MYO3A: variants seen among roughly 807,000 people sequenced by gnomAD.
The protein encoded by MYO3A is myosin-IIIa.
In MYO3A, 180 loss-of-function variants were observed where a neutral mutation model predicts 192.7. That is an observed-to-expected ratio of 0.93 (90% confidence interval 0.83 to 1.06). The LOEUF (loss-of-function observed/expected upper bound fraction) is 1.06. Ranked by LOEUF, MYO3A falls within the 50% of genes least tolerant of loss-of-function variation. The pLI, the probability that MYO3A is intolerant of heterozygous loss-of-function variation, is 0.00. For missense variants in MYO3A, 1,896 were observed against 1,905.0 expected (o/e 1.00, Z 0.09); for synonymous variants, 628 against 645.3 (o/e 0.97, Z 0.41).
chr10:26,106,343 G>C (rs182305839), intron 17 of MYO3A, among the ~76,000 whole-genome samples: 5 of 152,010 alleles, frequency 3.3e-5, no homozygotes, highest in African/African-American at 9.6e-5. Flanking sequence ...TATTCATCTG[G>C]AACTTGCATC....
In MYO3A at chr10:26,168,622, T is replaced by C. The variant is rs141070242; in HGVS notation, c.3112-90T>C. ...CAGTGATTTCCAAAATCTCAAGCAA[T>C]TTAGAATGTGTTCTGTTCTTCAAAG... On this transcript the variant is annotated intron_variant, in intron 27 of 34. Coordinates refer to ENST00000642920, the MANE Select transcript of MYO3A (RefSeq NM_017433.5). The C allele has an allele frequency of 1.6e-4, 217 of 1,356,916 alleles. No homozygotes were observed. The African/African-American group carries it at 2.9e-3, about 18-fold the overall frequency. 84.1% of individuals were successfully genotyped at this position (1,356,916 alleles called of 1,614,324 possible). A position where few individuals can be genotyped will look rare whatever the true frequency, so the allele number is the denominator to read the frequency against.
intron 4 of MYO3A, among the ~76,000 whole-genome samples, chr10:25,988,737 G>A (rs1034248556): frequency 1.3e-5 from 2 of 151,550 alleles, no homozygotes; most frequent in African/African-American, 4.8e-5. Context: ...AGAATACTCA[G>A]CATTAAAAAA....
Position 26,147,579 on chromosome 10 carries a change from C to T in MYO3A, c.2635+20C>T, listed in dbSNP as rs754523952. 1.2e-6 allele frequency: 2 copies of T among 1,613,828 alleles called. No individual in the cohort carries two copies. On this transcript the variant is annotated intron_variant, in intron 23 of 34. Coordinates refer to ENST00000642920, the MANE Select transcript of MYO3A (RefSeq NM_017433.5). ...AAACAGGTAAGACAATTTTCCTTAC[C>T]TGGAAGTTTTCTGAAGCCCAATCAA...
intron 6 of MYO3A, among the ~76,000 whole-genome samples, chr10:26,009,957 A>G (rs1280231691): frequency 2.6e-5 from 4 of 152,204 alleles, no homozygotes; most frequent in Non-Finnish European, 5.9e-5. Flanking sequence ...ATAGTGTACC[A>G]TGAATGAGAA....
At position 26,211,900 on chromosome 10, in the gene MYO3A, C is replaced by A; in HGVS notation, c.4788C>A (p.Pro1596=). The A allele has an allele frequency of 6.2e-7, 1 of 1,614,074 alleles. No homozygotes were observed. The change falls in exon 35 of 35, where the codon CCC becomes CCA. Residue 1596 remains proline (P), a synonymous_variant. Coordinates refer to ENST00000642920, the MANE Select transcript of MYO3A (RefSeq NM_017433.5). ...KEEEREPAAN[P]YDFRRLLRKT... is the part of the protein sequence containing the mutation. ...AGGAGAGAGAGCCAGCAGCCAACCC[C>A]TACGACTTCAGGAGGCTCCTGCGCA...
chr10:26,044,291 G>A (rs1843517248), intron 10 of MYO3A, among the ~76,000 whole-genome samples: 1 of 152,236 alleles, frequency 6.6e-6, no homozygotes, highest in South Asian at 2.1e-4. Context: ...TGGAGAAGGG[G>A]TGGAGCAAAC....
intron 17 of MYO3A, among the ~76,000 whole-genome samples, chr10:26,096,906 T>C (rs1484973420): frequency 2.6e-5 from 4 of 151,364 alleles, no homozygotes; most frequent in African/African-American, 9.7e-5. Context: ...TTATTTTACT[T>C]ATACTTACAT....
At chr10:26,205,013 G>A (rs1334407208) in intron 34 of MYO3A, among the ~76,000 whole-genome samples, 1 of 152,206 alleles carries the variant, frequency 6.6e-6, no homozygotes, top group Non-Finnish European at 1.5e-5. Context: ...GAAGATGTTA[G>A]TGCACAAAGA....
At chr10:26,047,889 T>C (rs1843725493) in intron 10 of MYO3A, among the ~76,000 whole-genome samples, 1 of 106,464 alleles carries the variant, frequency 9.4e-6, no homozygotes, top group African/African-American at 3.1e-5. Context: ...TTTGTATTCT[T>C]TTTTTTTTGC....
intron 4 of MYO3A, among the ~76,000 whole-genome samples, chr10:25,987,953 A>G (rs1235073424): frequency 1.3e-5 from 2 of 152,194 alleles, no homozygotes; most frequent in Non-Finnish European, 2.9e-5. Context: ...AACCAGCCCA[A>G]ATGCCCATCA....
rs928319887 is a variant in MYO3A at position 25,988,207 on chromosome 10, G to A, written c.304-8283G>A. ...ATGATACACTGGACATTGGGGACTC[G>A]GGGGAAAGTGTGGGTGGGTGGTGAG... On this transcript the variant is annotated intron_variant, in intron 4 of 34. Coordinates refer to ENST00000642920, the MANE Select transcript of MYO3A (RefSeq NM_017433.5). Among the ~76,000 whole-genome samples, 18 of 152,122 alleles carry A rather than the reference G, an allele frequency of 1.2e-4. No homozygotes were observed. The Middle Eastern group carries it at 0.01, about 86-fold the overall frequency.
intron 23 of MYO3A, 72 bp downstream of exon 23, chr10:26,147,631 T>G (rs932338790): frequency 5.6e-6 from 9 of 1,599,532 alleles, no homozygotes; most frequent in Admixed American, 1.7e-5. Flanking sequence ...CGCTTTTCAC[T>G]AATTTCATCC....
intron 32 of MYO3A, among the ~76,000 whole-genome samples, chr10:26,196,872 A>G (rs1843435185): frequency 6.6e-6 from 1 of 152,202 alleles, no homozygotes; most frequent in Admixed American, 6.5e-5. Context: ...CAAGCATACA[A>G]TGTGTAATGA....
chr10:26,210,450 A>G (rs932797351), intron 34 of MYO3A, among the ~76,000 whole-genome samples: 7 of 152,052 alleles, frequency 4.6e-5, no homozygotes, highest in African/African-American at 1.7e-4. Context: ...CAGTGAGCCA[A>G]CCCTTTCAGT....
At position 26,168,772 on chromosome 10, in the gene MYO3A, A is replaced by G. The variant is rs1170284138; in HGVS notation, c.3172A>G (p.Lys1058Glu). Residue 1058 changes from lysine to glutamate, a missense_variant, in exon 28 of 35, where the codon AAG becomes GAG. Physicochemically the swap from Lys to Glu is moderately conservative, Grantham distance 56. Coordinates refer to ENST00000642920, the MANE Select transcript of MYO3A (RefSeq NM_017433.5). The stretch of plus-strand genomic sequence containing the variant: ...TCTAATGCGAAAGGAAGCTATTGAC[A>G]AGCTTATTTTGATTCAAGCTTGTGT... ...LNLMRKEAID[K>E]LILIQACVRA... is the part of the protein sequence containing the mutation. 1.2e-6 allele frequency: 2 copies of G among 1,613,322 alleles called. No individual in the cohort carries two copies. Among genetic ancestry groups the G allele is most frequent in the African/African-American group, 1.3e-5 (1 of 74,908 alleles).
chr10:26,189,170 C>G (rs1414692631), intron 31 of MYO3A, among the ~76,000 whole-genome samples: 1 of 152,100 alleles, frequency 6.6e-6, no homozygotes, highest in Non-Finnish European at 1.5e-5. Flanking sequence ...CCATACTGCC[C>G]AAGGTAATTT....
intron 17 of MYO3A, among the ~76,000 whole-genome samples, chr10:26,100,493 T>C (rs934392950): frequency 6.6e-6 from 1 of 152,204 alleles, no homozygotes; most frequent in Non-Finnish European, 1.5e-5. Flanking sequence ...TTAATTGTGA[T>C]GTTAGGGTGT....
intron 26 of MYO3A, among the ~76,000 whole-genome samples, chr10:26,163,446 G>A (rs1485616618): frequency 6.6e-6 from 1 of 152,150 alleles, no homozygotes; most frequent in African/African-American, 2.4e-5. Flanking sequence ...TAGTTGGGAG[G>A]CAATTGCAAA....
chr10:26,156,083 G>C (rs997786951), intron 25 of MYO3A, among the ~76,000 whole-genome samples: 2 of 152,168 alleles, frequency 1.3e-5, no homozygotes, highest in African/African-American at 4.8e-5. Context: ...GTCCTGCTTA[G>C]AGTATCACCC....
Sources: allele counts gnomAD v4.1 joint callset (sites outside exome capture counted in the v4.1 genomes callset), GRCh38; gene constraint gnomAD v4.1.1; transcripts MANE v1.5; gene names NCBI Gene and HGNC (gene_info 2026-07-23, HGNC 2026-07-21).